The following PCSK6 variants were observed in gnomAD, a reference collection of about 807,000 sequenced individuals.
The protein encoded by PCSK6 is proprotein convertase subtilisin/kexin type 6, also known as paired basic amino acid cleaving enzyme 4.
PCSK6 carries 85 observed loss-of-function variants against 123.3 expected under a neutral mutation model. That is an observed-to-expected ratio of 0.69 (90% CI 0.58 to 0.83). PCSK6 has a LOEUF of 0.83. Ranked by LOEUF, PCSK6 falls within the 40% of genes least tolerant of loss-of-function variation. The pLI is 0.00. For missense variants in PCSK6, 1,191 were observed against 1,282.3 expected (o/e 0.93, Z 1.09); for synonymous variants, 508 against 516.0 (o/e 0.98, Z 0.21).
chr15:101,483,443 A>C (rs1415285917), intron 1 of PCSK6, among the ~76,000 whole-genome samples: 1 of 152,222 alleles, frequency 6.6e-6, no homozygotes, highest in African/African-American at 2.4e-5. Flanking sequence ...AGGCTCTTAG[A>C]TCTTTTAGGG....
At chr15:101,321,091 C>T (rs1215532269) in intron 18 of PCSK6, among the ~76,000 whole-genome samples, 1 of 152,164 alleles carries the variant, frequency 6.6e-6, no homozygotes, top group Non-Finnish European at 1.5e-5. Context: ...TTCCTGATGC[C>T]CCCAGCTACC....
chr15:101,440,786 A>G (rs2056734663), intron 2 of PCSK6, among the ~76,000 whole-genome samples: 1 of 152,246 alleles, frequency 6.6e-6, no homozygotes. Context: ...AAAAGATAAC[A>G]CTAAATACTT....
chr15:101,439,191 GGA>G lies in PCSK6; in HGVS notation c.402+4363_402+4364del, dbSNP rs538463702. Among the ~76,000 whole-genome samples, 11 of 152,364 alleles carry G rather than the reference GGA, an allele frequency of 7.2e-5. No homozygotes were observed. The South Asian group carries it at 2.3e-3, about 32-fold the overall frequency. ...GAGGTGGAACAAGTGTAGGGGGGAA[GGA>G]GAGGCCGCTGGCACTGCAGTGGAAT... On this transcript the variant is annotated intron_variant, in intron 2 of 21. Transcript: ENST00000611716.
In PCSK6 at chr15:101,458,752, A is replaced by G. The variant is rs567649971; in HGVS notation, c.298-15092T>C. ...ACCACAGACACAAACTCTGTCAATCATTCACGCTCTCTGCGACGCGTCTAA... is the reference window on the plus strand; with the variant it reads ...ACCACAGACACAAACTCTGTCAATCGTTCACGCTCTCTGCGACGCGTCTAA... On this transcript the variant is annotated intron_variant, in intron 1 of 21. Transcript: ENST00000611716. Among the ~76,000 whole-genome samples the G allele has an allele frequency of 2.8e-4, 43 of 152,140 alleles. No individual in the cohort carries two copies. In the South Asian group the frequency reaches 8.5e-3, roughly 30 times the overall value.
chr15:101,333,805 G>T (rs2040417652), intron 13 of PCSK6, among the ~76,000 whole-genome samples: 1 of 60,938 alleles, frequency 1.6e-5, no homozygotes, highest in Non-Finnish European at 3.2e-5. Context: ...GGGTGGGCGG[G>T]CAGGTGAAAG....
chr15:101,316,102 G>A (rs1246779641), intron 19 of PCSK6, among the ~76,000 whole-genome samples: 1 of 152,206 alleles, frequency 6.6e-6, no homozygotes, highest in African/African-American at 2.4e-5. Context: ...GGGTCTCCAG[G>A]GCACAGGAAG....
intron 6 of PCSK6, among the ~76,000 whole-genome samples, chr15:101,400,805 A>C (rs1293433758): frequency 6.6e-6 from 1 of 152,260 alleles, no homozygotes; most frequent in Non-Finnish European, 1.5e-5. Context: ...TTCACTTGCC[A>C]GGGTAAGAAG....
intron 11 of PCSK6, among the ~76,000 whole-genome samples, chr15:101,380,881 G>C (rs949610674): frequency 3.9e-5 from 6 of 152,092 alleles, no homozygotes; most frequent in Admixed American, 6.5e-5. Flanking sequence ...TTTCAAACAC[G>C]TTTTCCAAAG....
intron 3 of PCSK6, 72 bp downstream of exon 3, chr15:101,431,918 G>A (rs1396952926): frequency 1.9e-6 from 2 of 1,078,636 alleles, no homozygotes; most frequent in East Asian, 2.5e-5. Context: ...GCTTTGTTGA[G>A]GGAAATTAAC....
At chr15:101,406,743 C>T (rs1187716093) in intron 6 of PCSK6, among the ~76,000 whole-genome samples, 4 of 152,140 alleles carry the variant, frequency 2.6e-5, no homozygotes, top group Non-Finnish European at 4.4e-5. Flanking sequence ...GGCAGACCTA[C>T]GTTCGCCATC....
At chr15:101,412,094 G>A (rs1342843513) in intron 6 of PCSK6, among the ~76,000 whole-genome samples, 3 of 152,176 alleles carry the variant, frequency 2.0e-5, no homozygotes, top group Non-Finnish European at 4.4e-5. Flanking sequence ...GACTTCCCAC[G>A]CTTGGGTATC....
rs142375559 is a variant in PCSK6 at position 101,485,915 on chromosome 15, C to A, written c.297+3459G>T. On this transcript the variant is annotated intron_variant, in intron 1 of 21. Coordinates refer to ENST00000611716, the MANE Select transcript of PCSK6 (RefSeq NM_002570.5). Reference sequence around the variant, plus strand: ...AAATTGGGGCAACTATGAGAGCCAGCCCTCCCATGCATGAACACAACGCAT... The same window carrying A: ...AAATTGGGGCAACTATGAGAGCCAGACCTCCCATGCATGAACACAACGCAT... Among the ~76,000 whole-genome samples the A allele has an allele frequency of 7.4e-3, 1,123 of 151,960 alleles. 23 individuals are homozygous for A. The highest frequency in any genetic ancestry group is 0.026 in the African/African-American group (1,082 of 41,400).
intron 2 of PCSK6, among the ~76,000 whole-genome samples, chr15:101,440,283 C>T (rs1217878462): frequency 1.3e-5 from 2 of 152,182 alleles, no homozygotes; most frequent in Non-Finnish European, 2.9e-5. Flanking sequence ...TGGCCCTTTT[C>T]AAAGACGGTA....
intron 13 of PCSK6, among the ~76,000 whole-genome samples, chr15:101,344,565 C>A (rs2040688455): frequency 6.6e-6 from 1 of 152,194 alleles, no homozygotes; most frequent in South Asian, 2.1e-4. Flanking sequence ...CAACTATAAG[C>A]CACAGGCAAG....
intron 19 of PCSK6, among the ~76,000 whole-genome samples, chr15:101,315,445 C>T (rs2141343001): frequency 6.6e-6 from 1 of 152,340 alleles, no homozygotes; most frequent in Non-Finnish European, 1.5e-5. Flanking sequence ...AAAGCACCCA[C>T]AATCATAGCA....
chr15:101,463,430 A>G (rs12908310), intron 1 of PCSK6, among the ~76,000 whole-genome samples: 112,986 of 151,670 alleles, frequency 0.74, 42,689 homozygotes, highest in Non-Finnish European at 0.82. Flanking sequence ...GCGTTGCAAC[A>G]ATTCTGCTGC....
chr15:101,408,776 C>G (rs1596304352), intron 6 of PCSK6, among the ~76,000 whole-genome samples: 1 of 152,210 alleles, frequency 6.6e-6, no homozygotes, highest in South Asian at 2.1e-4. Context: ...CAGGCCTAAA[C>G]TGCTTAATGG....
intron 20 of PCSK6, chr15:101,309,104 C>T (rs572249100): frequency 6.5e-6 from 1 of 152,732 alleles, no homozygotes; most frequent in East Asian, 1.9e-4. Context: ...GCCACACACT[C>T]AGCAGCTGAA....
At chr15:101,432,657 G>C (rs1413985777) in intron 2 of PCSK6, among the ~76,000 whole-genome samples, 5 of 151,740 alleles carry the variant, frequency 3.3e-5, no homozygotes, top group Admixed American at 1.3e-4. Flanking sequence ...GAGAGAGAGA[G>C]ACAGAAAGAC....
Sources: allele counts gnomAD v4.1 joint callset (sites outside exome capture counted in the v4.1 genomes callset), GRCh38; gene constraint gnomAD v4.1.1; transcripts MANE v1.5; gene names NCBI Gene and HGNC (gene_info 2026-07-23, HGNC 2026-07-21).